SEZ6L: variants seen among roughly 807,000 people sequenced by gnomAD.
The protein encoded by SEZ6L is seizure 6-like protein.
In SEZ6L, 37 loss-of-function variants were observed where a neutral mutation model predicts 106.2. That is an observed-to-expected ratio of 0.35 (90% CI 0.27 to 0.46). The LOEUF (loss-of-function observed/expected upper bound fraction) is 0.46, where lower values mean the gene tolerates loss of function less well. Among genes scored for constraint, SEZ6L ranks in the 20% least tolerant of loss-of-function variants. The pLI is 1.00. For missense variants in SEZ6L, 1,172 were observed against 1,332.8 expected (o/e 0.88, Z 1.88); for synonymous variants, 541 against 570.4 (o/e 0.95, Z 0.73).
chr22:26,306,075 C>A lies in SEZ6L; in HGVS notation c.1445C>A (p.Thr482Lys), dbSNP rs138692969. ...NTNGSQFCIW[T>K]IEAPEGQKLH... is the part of the protein sequence containing the mutation. ...AATGGGAGCCAATTCTGCATCTGGA[C>A]GATTGAAGCTCCAGAGGGCCAGAAG... The change falls in exon 6 of 17, where the codon ACG becomes AAG. Residue 482 changes from threonine to lysine, a missense_variant. Physicochemically the swap from Thr to Lys is moderately conservative, Grantham distance 78. Transcript: ENST00000248933. The A allele has an allele frequency of 5.0e-6, 8 of 1,613,992 alleles. No homozygotes were observed. The highest frequency in any genetic ancestry group is 1.3e-5 in the African/African-American group (1 of 74,892).
At chr22:26,192,346 T>C (rs1027647762) in intron 1 of SEZ6L, among the ~76,000 whole-genome samples, 6 of 152,212 alleles carry the variant, frequency 3.9e-5, no homozygotes, top group Non-Finnish European at 8.8e-5. Context: ...CGTCATAGCA[T>C]ATACATTTAA....
chr22:26,284,866 C>T (rs1258120786), intron 1 of SEZ6L, among the ~76,000 whole-genome samples: 1 of 152,102 alleles, frequency 6.6e-6, no homozygotes, highest in East Asian at 1.9e-4. Context: ...CCAGTTTTCT[C>T]TCTATGATCT....
chr22:26,267,989 C>G (rs2080243753), intron 1 of SEZ6L, among the ~76,000 whole-genome samples: 2 of 152,196 alleles, frequency 1.3e-5, no homozygotes, highest in Non-Finnish European at 2.9e-5. Context: ...GGGGAAGAAA[C>G]TGAATTCATA....
At chr22:26,259,689 G>A (rs948017674) in intron 1 of SEZ6L, among the ~76,000 whole-genome samples, 1 of 152,186 alleles carries the variant, frequency 6.6e-6, no homozygotes, top group Non-Finnish European at 1.5e-5. Flanking sequence ...AATAGCTCAA[G>A]TATTTAAAGG....
chr22:26,326,074 G>A (rs960923214), intron 9 of SEZ6L, among the ~76,000 whole-genome samples: 1 of 152,126 alleles, frequency 6.6e-6, no homozygotes, highest in Non-Finnish European at 1.5e-5. Context: ...GATTTGCAGG[G>A]GATTGTGGTG....
chr22:26,225,205 T>C (rs1173158425), intron 1 of SEZ6L, among the ~76,000 whole-genome samples: 2 of 152,184 alleles, frequency 1.3e-5, no homozygotes, highest in Non-Finnish European at 2.9e-5. Context: ...GGTGCAGCTC[T>C]CAGGAACTCT....
intron 1 of SEZ6L, among the ~76,000 whole-genome samples, chr22:26,266,308 C>A (rs1009868651): frequency 3.3e-5 from 5 of 151,830 alleles, no homozygotes; most frequent in Admixed American, 2.0e-4. Flanking sequence ...CGCCTGTAAT[C>A]CCAGCACTTT....
At chr22:26,287,414 T>A (rs738402) in intron 1 of SEZ6L, among the ~76,000 whole-genome samples, 67,178 of 152,000 alleles carry the variant, frequency 0.44, 16,256 homozygotes, top group Non-Finnish European at 0.56. Context: ...GATTGACCGC[T>A]TTTGAGTAGA....
chr22:26,292,312 GCACCGCCCTTAGGAGGGC>G (rs1224962024), intron 1 of SEZ6L, 76 bp from the exon 2 acceptor site: 1 of 978,050 alleles, frequency 1.0e-6, no homozygotes, highest in Admixed American at 2.6e-5. Flanking sequence ...CGAGCTTTGG[GCACCGCCCTTAGGAGGGC>G]CACCCTCAGA....
intron 1 of SEZ6L, among the ~76,000 whole-genome samples, chr22:26,214,373 A>C (rs773741428): frequency 6.6e-6 from 1 of 152,178 alleles, no homozygotes; most frequent in Non-Finnish European, 1.5e-5. Flanking sequence ...GGCCCGGCAC[A>C]CGGAAAAGAA....
At chr22:26,267,362 T>G (rs2145831834) in intron 1 of SEZ6L, among the ~76,000 whole-genome samples, 1 of 152,344 alleles carries the variant, frequency 6.6e-6, no homozygotes, top group South Asian at 2.1e-4. Context: ...TCCAGGGGTT[T>G]GATATGGCTG....
intron 1 of SEZ6L, among the ~76,000 whole-genome samples, chr22:26,193,449 A>G (rs1268448500): frequency 6.6e-6 from 1 of 152,210 alleles, no homozygotes; most frequent in Non-Finnish European, 1.5e-5. Flanking sequence ...ACCCTGGCCC[A>G]ATGTGGTTCT....
intron 1 of SEZ6L, among the ~76,000 whole-genome samples, chr22:26,245,211 T>G (rs2079293276): frequency 6.6e-6 from 1 of 152,026 alleles, no homozygotes; most frequent in Non-Finnish European, 1.5e-5. Flanking sequence ...ATGGCAACCT[T>G]TTGCTTGCCT....
chr22:26,279,252 A>G, intron 1 of SEZ6L, among the ~76,000 whole-genome samples: 1 of 152,178 alleles, frequency 6.6e-6, no homozygotes, highest in Non-Finnish European at 1.5e-5. Context: ...AGGCAGACCC[A>G]GTATTGAGAT....
intron 1 of SEZ6L, among the ~76,000 whole-genome samples, chr22:26,238,502 C>A (rs1356176569): frequency 2.0e-5 from 3 of 152,200 alleles, no homozygotes; most frequent in Non-Finnish European, 4.4e-5. Flanking sequence ...CGATCCCTTG[C>A]GGATGTCAAA....
chr22:26,233,874 G>A lies in SEZ6L; in HGVS notation c.95-58532G>A, dbSNP rs562933413. Among the ~76,000 whole-genome samples, 55 of 152,272 alleles carry A rather than the reference G, an allele frequency of 3.6e-4. 1 individual carries two copies. The Middle Eastern group carries it at 0.014, about 38-fold the overall frequency. On this transcript the variant is annotated intron_variant, in intron 1 of 16. Coordinates refer to ENST00000248933, the MANE Select transcript of SEZ6L (RefSeq NM_021115.5). The stretch of plus-strand genomic sequence containing the variant: ...ACATTTGAGCTGGGGCCTGGGCAGT[G>A]AAGAGGAGCCAGCCAGGTGAAGACC...
At chr22:26,316,301 A>G (rs2081994842) in intron 9 of SEZ6L, among the ~76,000 whole-genome samples, 1 of 152,198 alleles carries the variant, frequency 6.6e-6, no homozygotes, top group African/African-American at 2.4e-5. Flanking sequence ...GGAAAAAATT[A>G]TTGTGTACCT....
At chr22:26,243,221 G>A (rs1012911435) in intron 1 of SEZ6L, among the ~76,000 whole-genome samples, 1 of 152,150 alleles carries the variant, frequency 6.6e-6, no homozygotes, top group Admixed American at 6.5e-5. Flanking sequence ...CAGGTACAGG[G>A]GGTTAGGATT....
chr22:26,332,156 T>G lies in SEZ6L; in HGVS notation c.2016-8280T>G, dbSNP rs1328417918. Among the ~76,000 whole-genome samples, 365 of 147,790 alleles carry G rather than the reference T, an allele frequency of 2.5e-3. 2 individuals are homozygous for G. Among genetic ancestry groups the G allele is most frequent in the Non-Finnish European group, 3.1e-3 (204 of 66,644 alleles). On this transcript the variant is annotated intron_variant, in intron 9 of 16. Transcript: ENST00000248933. Reference sequence around the variant, plus strand: ...AGAGAGGATTTTCAATGTTTTTTTTTTTTTTTTTTTTGAGACAGGGTCTCG... The same window carrying G: ...AGAGAGGATTTTCAATGTTTTTTTTGTTTTTTTTTTTGAGACAGGGTCTCG...
Sources: allele counts gnomAD v4.1 joint callset (sites outside exome capture counted in the v4.1 genomes callset), GRCh38; gene constraint gnomAD v4.1.1; transcripts MANE v1.5; gene names NCBI Gene and HGNC (gene_info 2026-07-23, HGNC 2026-07-21).